The following SGCZ variants were observed in gnomAD, a reference collection of about 807,000 sequenced individuals.
SGCZ encodes zeta-sarcoglycan.
SGCZ carries 40 observed loss-of-function variants against 41.3 expected under a neutral mutation model. The ratio of observed to expected loss-of-function variants is 0.97; its 90% confidence interval spans 0.75 to 1.26. The LOEUF is 1.26. Ranked by LOEUF, SGCZ falls within the 50% of genes most tolerant of loss-of-function variation. The pLI is 0.00. For missense variants in SGCZ, 552 were observed against 369.8 expected (o/e 1.49, Z -4.04); for synonymous variants, 206 against 137.5 (o/e 1.50, Z -3.49).
At chr8:14,674,669 A>C (rs1808212752) in intron 1 of SGCZ, among the ~76,000 whole-genome samples, 1 of 152,074 alleles carries the variant, frequency 6.6e-6, no homozygotes, top group Non-Finnish European at 1.5e-5. Flanking sequence ...ATTGTGGATC[A>C]TGGGGGTGGA....
chr8:14,593,354 A>G (rs1035080799), intron 1 of SGCZ, among the ~76,000 whole-genome samples: 3 of 152,128 alleles, frequency 2.0e-5, no homozygotes, highest in Non-Finnish European at 2.9e-5. Context: ...GAAAAAGGAC[A>G]TGGATTCTCC....
chr8:14,454,949 G>T (rs1407332164), intron 2 of SGCZ, among the ~76,000 whole-genome samples: 5 of 152,164 alleles, frequency 3.3e-5, no homozygotes, highest in Non-Finnish European at 7.4e-5. Flanking sequence ...GGGTAGATTT[G>T]TCTTTGAAGT....
intron 1 of SGCZ, among the ~76,000 whole-genome samples, chr8:15,187,944 G>A (rs186044292): frequency 3.3e-5 from 5 of 151,908 alleles, no homozygotes; most frequent in African/African-American, 9.7e-5. Flanking sequence ...TGTTGCTGTG[G>A]GTGAGTAGGG....
At chr8:14,439,156 G>C (rs936316097) in intron 2 of SGCZ, among the ~76,000 whole-genome samples, 4 of 151,910 alleles carry the variant, frequency 2.6e-5, no homozygotes, top group East Asian at 1.9e-4. Context: ...ATTTGTTAAA[G>C]GGAAGAATTA....
At chr8:14,382,320 G>C (rs1270415896) in intron 2 of SGCZ, among the ~76,000 whole-genome samples, 1 of 152,006 alleles carries the variant, frequency 6.6e-6, no homozygotes, top group Non-Finnish European at 1.5e-5. Flanking sequence ...AGTATTGATT[G>C]TTTGCGTAAG....
At chr8:14,249,929 G>C (rs1429872134) in intron 3 of SGCZ, among the ~76,000 whole-genome samples, 3 of 152,178 alleles carry the variant, frequency 2.0e-5, no homozygotes, top group African/African-American at 7.2e-5. Flanking sequence ...ATGTGTGGTG[G>C]GCAAACATTA....
intron 1 of SGCZ, among the ~76,000 whole-genome samples, chr8:14,924,528 G>A (rs897406250): frequency 7.4e-6 from 1 of 134,298 alleles, no homozygotes; most frequent in Non-Finnish European, 1.7e-5. Context: ...AAATTATCAT[G>A]AATAAGTACA....
chr8:14,906,549 A>G (rs1480637608), intron 1 of SGCZ, among the ~76,000 whole-genome samples: 1 of 152,178 alleles, frequency 6.6e-6, no homozygotes, highest in Non-Finnish European at 1.5e-5. Context: ...GCCACTTACA[A>G]TTTAATTTAA....
intron 1 of SGCZ, among the ~76,000 whole-genome samples, chr8:15,129,816 A>C (rs1304924641): frequency 6.6e-6 from 1 of 152,004 alleles, no homozygotes; most frequent in Non-Finnish European, 1.5e-5. Context: ...ATGACATAGA[A>C]AATTAGCTAG....
chr8:14,717,090 A>T (rs1395041077), intron 1 of SGCZ, among the ~76,000 whole-genome samples: 2 of 152,248 alleles, frequency 1.3e-5, no homozygotes, highest in Non-Finnish European at 2.9e-5. Context: ...TGATTTATAA[A>T]GTTGCCATTG....
intron 5 of SGCZ, among the ~76,000 whole-genome samples, chr8:14,160,262 G>C (rs1803999694): frequency 6.6e-6 from 1 of 152,264 alleles, no homozygotes; most frequent in Middle Eastern, 3.4e-3. Flanking sequence ...ACTTTTTAAA[G>C]CAGAGTGGCT....
intron 2 of SGCZ, among the ~76,000 whole-genome samples, chr8:14,471,346 T>A (rs910951465): frequency 1.3e-5 from 2 of 152,164 alleles, no homozygotes; most frequent in Non-Finnish European, 2.9e-5. Context: ...ATCATACTTA[T>A]AGAAATAGTA....
intron 1 of SGCZ, among the ~76,000 whole-genome samples, chr8:14,950,789 A>C (rs1215368227): frequency 6.6e-6 from 1 of 152,092 alleles, no homozygotes; most frequent in African/African-American, 2.4e-5. Context: ...ATTTAAATTT[A>C]AATCTGTATT....
At chr8:14,235,612 T>G (rs1806727739) in intron 4 of SGCZ, among the ~76,000 whole-genome samples, 1 of 152,188 alleles carries the variant, frequency 6.6e-6, no homozygotes. Flanking sequence ...ATCAAATGAT[T>G]GCTTTGCTCT....
chr8:14,796,916 T>C (rs553836603), intron 1 of SGCZ, among the ~76,000 whole-genome samples: 1 of 152,320 alleles, frequency 6.6e-6, no homozygotes, highest in South Asian at 2.1e-4. Context: ...TATCAGTCTC[T>C]TTCCTGCCAC....
At chr8:14,481,271 G>A (rs1464837856) in intron 2 of SGCZ, among the ~76,000 whole-genome samples, 1 of 152,116 alleles carries the variant, frequency 6.6e-6, no homozygotes, top group African/African-American at 2.4e-5. Context: ...CCAGTGTGAA[G>A]AAAAGTTAAA....
In SGCZ at chr8:14,607,270, T is replaced by C. The variant is rs372544282; in HGVS notation, c.40-52344A>G. Among the ~76,000 whole-genome samples the C allele has an allele frequency of 4.1e-4, 63 of 152,320 alleles. 1 individual carries two copies. Among genetic ancestry groups the C allele is most frequent in the African/African-American group, 1.5e-3 (61 of 41,574 alleles). On this transcript the variant is annotated intron_variant, in intron 1 of 7. Transcript: ENST00000382080. ...ATGGTCATCCCCATATATTTGGCCTTCTTTCTTTGCCAAATTGTTAATTAT... is the reference window on the plus strand; with the variant it reads ...ATGGTCATCCCCATATATTTGGCCTCCTTTCTTTGCCAAATTGTTAATTAT...
intron 1 of SGCZ, among the ~76,000 whole-genome samples, chr8:14,936,043 T>C (rs1175326200): frequency 6.6e-6 from 1 of 151,938 alleles, no homozygotes; most frequent in Non-Finnish European, 1.5e-5. Flanking sequence ...ATTCAAAACT[T>C]GTATGTACCT....
intron 1 of SGCZ, among the ~76,000 whole-genome samples, chr8:14,790,734 C>T (rs1800922893): frequency 6.6e-6 from 1 of 151,950 alleles, no homozygotes; most frequent in Non-Finnish European, 1.5e-5. Context: ...TATGCCGCAG[C>T]AGAAAATAGT....
Sources: allele counts gnomAD v4.1 joint callset (sites outside exome capture counted in the v4.1 genomes callset), GRCh38; gene constraint gnomAD v4.1.1; transcripts MANE v1.5; gene names NCBI Gene and HGNC (gene_info 2026-07-23, HGNC 2026-07-21).